ANK1: variants seen among roughly 807,000 people sequenced by gnomAD.
ANK1 encodes ankyrin-1.
Under a neutral mutation model 210.4 loss-of-function variants are expected in ANK1, and 51 were observed. That is an observed-to-expected ratio of 0.24 (90% CI 0.19 to 0.31). The LOEUF is 0.31. Ranked by LOEUF, ANK1 falls within the 10% of genes least tolerant of loss-of-function variation. The pLI is 1.00. For synonymous variants in ANK1, 967 were observed against 1,025.9 expected, an observed-to-expected ratio of 0.94 and a Z score of 1.10; for missense variants, 2,051 against 2,504.4, an observed-to-expected ratio of 0.82 and a Z score of 3.86.
At chr8:41,682,290 A>T (rs566979313) in intron 37 of ANK1, among the ~76,000 whole-genome samples, 1 of 151,760 alleles carries the variant, frequency 6.6e-6, no homozygotes, top group South Asian at 2.1e-4. Flanking sequence ...CTCCCACCTC[A>T]TCTCTGGCAA....
exon 1 of ANK1, chr8:41,896,374 G>A: frequency 6.3e-7 from 1 of 1,599,066 alleles, no homozygotes. Flanking sequence ...TCGGTCACGG[G>A]AGCGGTTTCT....
chr8:41,706,315 C>T, intron 17 of ANK1, 74 bp from the exon 18 acceptor site: 1 of 1,395,474 alleles, frequency 7.2e-7, no homozygotes. Flanking sequence ...GCTCTGAGGT[C>T]TGGGAGCTGA....
chr8:41,723,318 C>G, intron 8 of ANK1, 95 bp from the exon 9 acceptor site: 1 of 1,365,556 alleles, frequency 7.3e-7, no homozygotes, highest in Non-Finnish European at 1.0e-6. Flanking sequence ...CCAGCCCACG[C>G]AAGTGCTGAC....
At chr8:41,727,729 A>G (rs554164950) in intron 4 of ANK1, among the ~76,000 whole-genome samples, 179 bp downstream of exon 4, 76 of 152,336 alleles carry the variant, frequency 5.0e-4, no homozygotes, top group African/African-American at 1.8e-3. Context: ...CGGTCTATGC[A>G]TGCGAAATAA....
At chr8:41,742,623 T>C (rs1312219404) in intron 2 of ANK1, among the ~76,000 whole-genome samples, 2 of 152,144 alleles carry the variant, frequency 1.3e-5, no homozygotes, top group African/African-American at 4.8e-5. Context: ...AACACAAACT[T>C]TGCATCAATC....
intron 2 of ANK1, among the ~76,000 whole-genome samples, chr8:41,736,378 G>A (rs1431383254): frequency 6.6e-6 from 1 of 152,216 alleles, no homozygotes; most frequent in African/African-American, 2.4e-5. Context: ...TCAGAGCAGG[G>A]CGAGCTTTTT....
At chr8:41,823,270 G>T (rs896774104) in intron 1 of ANK1, among the ~76,000 whole-genome samples, 3 of 152,234 alleles carry the variant, frequency 2.0e-5, no homozygotes, top group East Asian at 3.9e-4. Context: ...GGTTGCTGTA[G>T]ATAAGAAAGG....
intron 1 of ANK1, among the ~76,000 whole-genome samples, chr8:41,838,033 A>G (rs1346314631): frequency 1.3e-5 from 2 of 152,120 alleles, no homozygotes; most frequent in Non-Finnish European, 2.9e-5. Flanking sequence ...TTCTCCTGCC[A>G]TTTGTGGTCC....
chr8:41,877,454 C>T (rs1241272849), intron 1 of ANK1, among the ~76,000 whole-genome samples: 4 of 152,348 alleles, frequency 2.6e-5, no homozygotes, highest in South Asian at 4.1e-4. Flanking sequence ...GGAAGTGACA[C>T]TCACAGTGCC....
In ANK1 at chr8:41,654,386, C is replaced by T. The variant is rs1326394077; in HGVS notation, c.*1404G>A. The T allele has an allele frequency of 1.3e-5, 2 of 152,726 alleles. No individual in the cohort carries two copies. The highest frequency in any genetic ancestry group is 4.8e-5 in the African/African-American group (2 of 41,460). 9.5% of individuals were successfully genotyped at this position (152,726 alleles called of 1,614,324 possible). ...TCACCGGCCATGCGGTCCGGGGAGCCCCCTGGCTCGCCTCTCCAAGAGGCC... is the reference window on the plus strand; with the variant it reads ...TCACCGGCCATGCGGTCCGGGGAGCTCCCTGGCTCGCCTCTCCAAGAGGCC... On this transcript the variant is annotated 3_prime_UTR_variant, in exon 43 of 43. Transcript: ENST00000289734.
chr8:41,656,095 G>A (rs1805609535), intron 42 of ANK1, among the ~76,000 whole-genome samples: 1 of 152,260 alleles, frequency 6.6e-6, no homozygotes, highest in Admixed American at 6.5e-5. Flanking sequence ...AGGCCCCCGT[G>A]CCTACGTGGT....
intron 1 of ANK1, among the ~76,000 whole-genome samples, chr8:41,792,024 C>T (rs1381280154): frequency 6.6e-6 from 1 of 152,232 alleles, no homozygotes; most frequent in Non-Finnish European, 1.5e-5. Context: ...TTCCCCTACA[C>T]GCTAATAGGT....
intron 33 of ANK1, among the ~76,000 whole-genome samples, chr8:41,688,950 C>T (rs1039072370): frequency 6.6e-6 from 1 of 152,220 alleles, no homozygotes; most frequent in Non-Finnish European, 1.5e-5. Context: ...TGCCCAAGAT[C>T]ACCCAGTTAA....
At chr8:41,825,375 C>T (rs984744231) in intron 1 of ANK1, among the ~76,000 whole-genome samples, 1 of 152,208 alleles carries the variant, frequency 6.6e-6, no homozygotes, top group Non-Finnish European at 1.5e-5. Context: ...TGCAAAACCT[C>T]GCCAGCTCTG....
chr8:41,785,854 G>A (rs898583781), intron 1 of ANK1, among the ~76,000 whole-genome samples: 1 of 152,266 alleles, frequency 6.6e-6, no homozygotes, highest in Non-Finnish European at 1.5e-5. Flanking sequence ...GCGGAGCCTT[G>A]CTCGGCCCTT....
chr8:41,843,538 G>A (rs933175947), intron 1 of ANK1, among the ~76,000 whole-genome samples: 4 of 152,166 alleles, frequency 2.6e-5, no homozygotes, highest in African/African-American at 7.2e-5. Context: ...CCATGGTGCA[G>A]ACAGGGCAGC....
At chr8:41,774,398 T>A (rs1361510768) in intron 1 of ANK1, among the ~76,000 whole-genome samples, 1 of 152,216 alleles carries the variant, frequency 6.6e-6, no homozygotes, top group African/African-American at 2.4e-5. Context: ...TCGGGGCTAG[T>A]TGACTAAATT....
rs1398585160 is a variant in ANK1 at position 41,668,576 on chromosome 8, A to G, written c.5097-12T>C. On this transcript the variant is annotated splice_polypyrimidine_tract_variant and intron_variant, in intron 38 of 42. Coordinates refer to ENST00000289734, the MANE Select transcript of ANK1 (RefSeq NM_000037.4). ...CCCAGTCCTGCAGTCTGGGGTCCAG[A>G]AGAAGCAGCAGATGGCCGGCCGGGG... 6.2e-7 allele frequency: 1 copy of G among 1,608,382 alleles called. No homozygotes were observed. Among genetic ancestry groups the G allele is most frequent in the Non-Finnish European group, 8.5e-7 (1 of 1,175,566 alleles).
chr8:41,771,593 T>G (rs1273250582), intron 1 of ANK1, among the ~76,000 whole-genome samples: 1 of 152,238 alleles, frequency 6.6e-6, no homozygotes. Flanking sequence ...AGGCCACTGT[T>G]CTAGCCTGTA....
Sources: gnomAD v4.1 joint callset for allele counts (sites outside exome capture counted in the v4.1 genomes callset) on GRCh38, gnomAD v4.1.1 for gene constraint, MANE v1.5 for transcripts, NCBI Gene and HGNC (gene_info 2026-07-23, HGNC 2026-07-21) for gene names.